ROBO1: variants seen among roughly 807,000 people sequenced by gnomAD.
ROBO1 encodes the protein roundabout homolog 1.
Under a neutral mutation model 195.9 loss-of-function variants are expected in ROBO1, and 149 were observed. The observed-to-expected ratio is 0.76, with a 90% CI of 0.67 to 0.87. The LOEUF is 0.87. Ranked by LOEUF, ROBO1 falls within the 40% of genes least tolerant of loss-of-function variation. ROBO1 has a pLI of 0.00. For synonymous variants in ROBO1, 816 were observed against 733.2 expected, an observed-to-expected ratio of 1.11 and a Z score of -1.82; for missense variants, 1,933 against 2,068.3, an observed-to-expected ratio of 0.93 and a Z score of 1.27.
At chr3:79,642,632 A>T (rs961998534) in intron 1 of ROBO1, among the ~76,000 whole-genome samples, 8 of 152,140 alleles carry the variant, frequency 5.3e-5, no homozygotes, top group Non-Finnish European at 1.2e-4. Flanking sequence ...TCAAAGTAAA[A>T]TATTGCTATA....
intron 4 of ROBO1, among the ~76,000 whole-genome samples, chr3:78,833,151 G>A (rs1047497520): frequency 6.6e-6 from 1 of 152,024 alleles, no homozygotes; most frequent in Non-Finnish European, 1.5e-5. Context: ...TATCAGTGAA[G>A]GCACTGTTAG....
chr3:79,510,523 G>C (rs535864423), intron 2 of ROBO1, among the ~76,000 whole-genome samples: 6 of 150,764 alleles, frequency 4.0e-5, no homozygotes, highest in Non-Finnish European at 5.9e-5. Context: ...TCATGTTGGA[G>C]TACATGGTTA....
At chr3:79,538,079 T>A (rs764450410) in intron 2 of ROBO1, among the ~76,000 whole-genome samples, 3 of 152,150 alleles carry the variant, frequency 2.0e-5, no homozygotes. Context: ...ATAGCCAATT[T>A]ATTAATTCTA....
At chr3:78,693,471 C>T in intron 8 of ROBO1, 1 of 753,412 alleles carries the variant, frequency 1.3e-6, no homozygotes, top group East Asian at 2.7e-5. Context: ...AGATAAAGAA[C>T]ATGTTAATAC....
At chr3:78,898,350 T>C (rs1231871989) in intron 4 of ROBO1, among the ~76,000 whole-genome samples, 7 of 148,150 alleles carry the variant, frequency 4.7e-5, no homozygotes, top group Non-Finnish European at 1.0e-4. Context: ...GAGACAGATA[T>C]ATATATAGAC....
At chr3:79,165,727 A>G (rs986455963) in intron 2 of ROBO1, among the ~76,000 whole-genome samples, 5 of 152,230 alleles carry the variant, frequency 3.3e-5, no homozygotes, top group African/African-American at 1.2e-4. Flanking sequence ...CCAGATACAC[A>G]TATCACATAA....
intron 2 of ROBO1, among the ~76,000 whole-genome samples, chr3:79,226,808 A>C (rs1279702702): frequency 6.6e-6 from 1 of 152,064 alleles, no homozygotes; most frequent in Non-Finnish European, 1.5e-5. Flanking sequence ...TGGCCTCCCG[A>C]AGTGCTGGGA....
intron 4 of ROBO1, among the ~76,000 whole-genome samples, chr3:78,845,437 T>C (rs952428885): frequency 1.3e-5 from 2 of 152,126 alleles, no homozygotes; most frequent in African/African-American, 4.8e-5. Context: ...ATGTGGCTCA[T>C]ATTTGTAGCT....
intron 4 of ROBO1, among the ~76,000 whole-genome samples, chr3:78,899,359 A>C (rs1490415930): frequency 6.6e-6 from 1 of 152,232 alleles, no homozygotes; most frequent in Non-Finnish European, 1.5e-5. Flanking sequence ...TTAGGCAATT[A>C]ATAGAAGTGA....
At chr3:78,717,911 T>G in intron 5 of ROBO1, 28 bp from the exon 6 acceptor site, 1 of 1,609,628 alleles carries the variant, frequency 6.2e-7, no homozygotes, top group Non-Finnish European at 8.5e-7. Flanking sequence ...ACAGGAATAC[T>G]ATTAAAATTG....
chr3:78,790,333 G>T (rs1363679258), intron 4 of ROBO1, among the ~76,000 whole-genome samples: 3 of 151,710 alleles, frequency 2.0e-5, no homozygotes, highest in African/African-American at 7.3e-5. Flanking sequence ...AATTTTTGTG[G>T]ATACATAGTA....
At chr3:79,235,884 A>AG (rs980056126) in intron 2 of ROBO1, among the ~76,000 whole-genome samples, 3 of 152,122 alleles carry the variant, frequency 2.0e-5, no homozygotes, top group African/African-American at 4.8e-5. Context: ...ATTAAGCTAT[A>AG]GGTATGGTAT....
chr3:79,355,938 A>C (rs1281259936), intron 2 of ROBO1, among the ~76,000 whole-genome samples: 1 of 152,210 alleles, frequency 6.6e-6, no homozygotes, highest in Non-Finnish European at 1.5e-5. Flanking sequence ...TAGTAGTAGA[A>C]TTGCTGGATC....
At chr3:78,912,593 T>C (rs2038312142) in intron 4 of ROBO1, among the ~76,000 whole-genome samples, 2 of 152,160 alleles carry the variant, frequency 1.3e-5, no homozygotes, top group Non-Finnish European at 2.9e-5. Context: ...CTCTGTTTTA[T>C]TAAACTTCCT....
intron 1 of ROBO1, among the ~76,000 whole-genome samples, chr3:79,708,125 G>T (rs1702130161): frequency 6.6e-6 from 1 of 152,068 alleles, no homozygotes; most frequent in Non-Finnish European, 1.5e-5. Context: ...TAAACAGCAG[G>T]TACAACATCA....
chr3:79,476,439 C>A (rs1010381665), intron 2 of ROBO1, among the ~76,000 whole-genome samples: 1 of 151,974 alleles, frequency 6.6e-6, no homozygotes, highest in Admixed American at 6.6e-5. Context: ...AGTCATTATG[C>A]GAAAAAGATA....
intron 2 of ROBO1, among the ~76,000 whole-genome samples, chr3:79,304,562 G>A (rs2033134383): frequency 6.6e-6 from 1 of 151,992 alleles, no homozygotes; most frequent in Non-Finnish European, 1.5e-5. Context: ...TCTACTTTCT[G>A]TCACTATACA....
intron 3 of ROBO1, among the ~76,000 whole-genome samples, chr3:78,991,015 T>G (rs962157530): frequency 6.6e-6 from 1 of 152,200 alleles, no homozygotes; most frequent in African/African-American, 2.4e-5. Context: ...TGTGAAAACA[T>G]TAGCACTGTA....
chr3:79,234,366 T>C (rs1027174928), intron 2 of ROBO1, among the ~76,000 whole-genome samples: 2 of 152,258 alleles, frequency 1.3e-5, no homozygotes, highest in East Asian at 3.9e-4. Flanking sequence ...TTTTTGCATA[T>C]AGCGAAAGAT....
Sources: allele counts gnomAD v4.1 joint callset (sites outside exome capture counted in the v4.1 genomes callset), GRCh38; gene constraint gnomAD v4.1.1; transcripts MANE v1.5; gene names NCBI Gene and HGNC (gene_info 2026-07-23, HGNC 2026-07-21).